Variants in SVOPL observed in about 807,000 individuals in gnomAD.
SVOPL encodes SVOP like.
SVOPL carries 60 observed loss-of-function variants against 61.0 expected under a neutral mutation model. The ratio of observed to expected loss-of-function variants is 0.98; its 90% CI spans 0.80 to 1.22. SVOPL has a LOEUF of 1.22. Among genes scored for constraint, SVOPL ranks in the 50% most tolerant of loss-of-function variants. The pLI is 0.00. For missense variants in SVOPL, 662 were observed against 643.9 expected, an observed-to-expected ratio of 1.03 and a Z score of -0.30; for synonymous variants, 279 against 250.0, an observed-to-expected ratio of 1.12 and a Z score of -1.09.
chr7:138,672,066 G>T lies in SVOPL; in HGVS notation c.226C>A (p.Arg76Ser), dbSNP rs191061647. The stretch of plus-strand genomic sequence containing the variant: ...CAATTCTCCAGTTGCCATTCACAGC[G>T]GATGACAGGAGACACAACAGCTATC... ...MLIAVVSPVI[R>S]CEWQLENWQV... The change falls in exon 4 of 16, where the codon CGC becomes AGC. Residue 76 changes from arginine (R) to serine (S), a missense_variant. Coordinates refer to ENST00000674285, the MANE Select transcript of SVOPL (RefSeq NM_001139456.2). The T allele has an allele frequency of 1.3e-6, 2 of 1,551,602 alleles. No homozygotes were observed. Among genetic ancestry groups the T allele is most frequent in the East Asian group, 2.4e-5 (1 of 40,894 alleles).
intron 3 of SVOPL, among the ~76,000 whole-genome samples, chr7:138,674,380 C>T (rs189447952): frequency 6.6e-6 from 1 of 152,098 alleles, no homozygotes; most frequent in East Asian, 1.9e-4. Context: ...CACGGCCCAT[C>T]ACTGTCAACA....
chr7:138,642,809 G>A (rs1310109004), intron 9 of SVOPL, among the ~76,000 whole-genome samples: 13 of 134,036 alleles, frequency 9.7e-5, no homozygotes, highest in Non-Finnish European at 1.5e-4. Flanking sequence ...CAGCCTGGAC[G>A]ATAGAGCGAG....
intron 1 of SVOPL, among the ~76,000 whole-genome samples, chr7:138,695,582 A>G (rs1045468310): frequency 2.6e-5 from 4 of 152,200 alleles, no homozygotes; most frequent in African/African-American, 9.6e-5. Context: ...CTCTGGCAAC[A>G]TAAGAGAGGG....
At chr7:138,629,933 G>C in intron 10 of SVOPL, 116 bp downstream of exon 10, 1 of 754,684 alleles carries the variant, frequency 1.3e-6, no homozygotes. Context: ...TGTCTTTGTA[G>C]TATTTGGAGT....
chr7:138,608,788 T>C (rs868115624), intron 14 of SVOPL, among the ~76,000 whole-genome samples: 1 of 152,058 alleles, frequency 6.6e-6, no homozygotes, highest in African/African-American at 2.4e-5. Flanking sequence ...TCGAGAAATA[T>C]ACAGAGAAAT....
chr7:138,664,610 T>TCC (rs1373923132), intron 4 of SVOPL, among the ~76,000 whole-genome samples: 1 of 130,238 alleles, frequency 7.7e-6, no homozygotes, highest in African/African-American at 3.0e-5. Flanking sequence ...CCCCTGACCC[T>TCC]CCACCAGATG....
intron 14 of SVOPL, among the ~76,000 whole-genome samples, chr7:138,606,570 T>A (rs1181856926): frequency 1.3e-5 from 2 of 152,134 alleles, no homozygotes; most frequent in African/African-American, 2.4e-5. Flanking sequence ...GCCCGCTCAT[T>A]ACACAAAAAA....
chr7:138,681,197 A>G, intron 1 of SVOPL, among the ~76,000 whole-genome samples: 1 of 148,114 alleles, frequency 6.8e-6, no homozygotes, highest in East Asian at 1.9e-4. Flanking sequence ...ATATGTTATT[A>G]ACAAATATAA....
At chr7:138,659,492 G>GAAAAAAA (rs11295502) in intron 6 of SVOPL, among the ~76,000 whole-genome samples, 1 of 140,112 alleles carries the variant, frequency 7.1e-6, no homozygotes. Flanking sequence ...ACTCTATCTC[G>GAAAAAAA]AAAAAAAAAA....
At chr7:138,664,628 A>G (rs1465789019) in intron 4 of SVOPL, among the ~76,000 whole-genome samples, 1 of 134,974 alleles carries the variant, frequency 7.4e-6, no homozygotes, top group African/African-American at 2.8e-5. Flanking sequence ...ATGCGCGCCT[A>G]ATCTCCAGCA....
In SVOPL at chr7:138,672,133, C is replaced by T; in HGVS notation, c.175-16G>A. On this transcript the variant is annotated splice_polypyrimidine_tract_variant and intron_variant, in intron 3 of 15. Transcript: ENST00000674285. ...CCTCAACCACCTTAAAGAAGAGGGA[C>T]ACCATGCCATGTCTAAGTGCCAGCT... 6.5e-7 allele frequency: 1 copy of T among 1,550,224 alleles called. No individual in the cohort carries two copies. The highest frequency in any genetic ancestry group is 1.2e-5 in the South Asian group (1 of 84,020).
Position 138,663,083 on chromosome 7 carries a change from G to T in SVOPL, c.336C>A (p.Gly112=). The T allele has an allele frequency of 6.2e-7, 1 of 1,614,130 alleles. No individual in the cohort carries two copies. Among genetic ancestry groups the T allele is most frequent in the African/African-American group, 1.3e-5 (1 of 75,042 alleles). Residue 112 remains glycine (G), a synonymous_variant, in exon 5 of 16, where the codon GGC becomes GGA. Coordinates refer to ENST00000674285, the MANE Select transcript of SVOPL (RefSeq NM_001139456.2). ...GTGAGGCCCCACCTACCTTCCAGCG[G>T]CCATATCTGTCAGCCAGGAGGCCAA... ...ILFGLLADRY[G]RWKILLISFL...
At chr7:138,648,498 G>A (rs532881173) in intron 8 of SVOPL, among the ~76,000 whole-genome samples, 87 of 136,516 alleles carry the variant, frequency 6.4e-4, no homozygotes, top group Admixed American at 3.0e-3. Flanking sequence ...TCAGGAGATC[G>A]AGACCACGGT....
chr7:138,621,755 G>A (rs1799571234), intron 13 of SVOPL, among the ~76,000 whole-genome samples: 1 of 151,748 alleles, frequency 6.6e-6, no homozygotes, highest in African/African-American at 2.4e-5. Flanking sequence ...TAGCCTCTTT[G>A]CTGTTGCAGA....
intron 1 of SVOPL, among the ~76,000 whole-genome samples, chr7:138,688,716 T>C (rs1286413784): frequency 1.3e-5 from 2 of 152,206 alleles, no homozygotes; most frequent in Non-Finnish European, 2.9e-5. Flanking sequence ...ATGTAGCCCC[T>C]GTAGAAAACA....
At chr7:138,699,216 A>C (rs1469457248) in intron 1 of SVOPL, among the ~76,000 whole-genome samples, 2 of 152,140 alleles carry the variant, frequency 1.3e-5, no homozygotes, top group Admixed American at 1.3e-4. Context: ...AGGCAGGAGA[A>C]TCTCTTGAAC....
intron 13 of SVOPL, among the ~76,000 whole-genome samples, chr7:138,622,486 C>T (rs1008342577): frequency 3.8e-5 from 3 of 78,402 alleles, no homozygotes; most frequent in African/African-American, 5.1e-5. Context: ...GTGGAGGCAG[C>T]GGCGGGCGGG....
chr7:138,651,590 G>A (rs1179393975), intron 7 of SVOPL, among the ~76,000 whole-genome samples: 1 of 152,094 alleles, frequency 6.6e-6, no homozygotes, highest in East Asian at 1.9e-4. Flanking sequence ...TCACGTTTTA[G>A]TAATTCTCGC....
intron 9 of SVOPL, among the ~76,000 whole-genome samples, chr7:138,632,451 G>C (rs1055359817): frequency 1.4e-5 from 2 of 145,948 alleles, no homozygotes; most frequent in African/African-American, 5.6e-5. Flanking sequence ...TAAACAGACA[G>C]ATGACTGTGA....
Sources: allele counts gnomAD v4.1 joint callset (sites outside exome capture counted in the v4.1 genomes callset), GRCh38; gene constraint gnomAD v4.1.1; transcripts MANE v1.5; gene names NCBI Gene and HGNC (gene_info 2026-07-23, HGNC 2026-07-21).